LRBA: variants seen among roughly 807,000 people sequenced by gnomAD.
LRBA encodes the protein LPS responsive beige-like anchor protein.
LRBA carries 176 observed loss-of-function variants against 330.0 expected under a neutral mutation model. The ratio of observed to expected loss-of-function variants is 0.53; its 90% CI spans 0.47 to 0.60. LRBA has a LOEUF of 0.60. Ranked by LOEUF, LRBA falls within the 20% of genes least tolerant of loss-of-function variation. The probability of loss-of-function intolerance (pLI) is 0.00; values close to 1 mark genes in which losing one functional copy is unlikely to be tolerated. For synonymous variants in LRBA, 1,230 were observed against 1,193.0 expected, an observed-to-expected ratio of 1.03 and a Z score of -0.64; for missense variants, 3,259 against 3,444.8, an observed-to-expected ratio of 0.95 and a Z score of 1.35.
At chr4:150,520,725 A>G (rs1762837837) in intron 40 of LRBA, among the ~76,000 whole-genome samples, 2 of 152,214 alleles carry the variant, frequency 1.3e-5, no homozygotes, top group Admixed American at 1.3e-4. Context: ...TATTTGTGAC[A>G]GCCAACCATT....
At chr4:150,973,805 C>A (rs999021662) in intron 2 of LRBA, among the ~76,000 whole-genome samples, 1 of 152,074 alleles carries the variant, frequency 6.6e-6, no homozygotes. Flanking sequence ...CCAGCCTGGG[C>A]AAAATAGCGA....
intron 35 of LRBA, among the ~76,000 whole-genome samples, chr4:150,738,732 G>A (rs1254417541): frequency 6.6e-6 from 1 of 151,904 alleles, no homozygotes; most frequent in Non-Finnish European, 1.5e-5. Flanking sequence ...GTTTATGTAA[G>A]ATGTTAATTA....
Position 150,487,762 on chromosome 4 carries a change from A to G in LRBA, c.6521T>C (p.Val2174Ala). The G allele has an allele frequency of 6.3e-7, 1 of 1,599,612 alleles. No individual in the cohort carries two copies. The highest frequency in any genetic ancestry group is 8.5e-7 in the Non-Finnish European group (1 of 1,169,826). The change falls in exon 42 of 57, where the codon GTT (valine) becomes GCT (alanine). Residue 2174 changes from valine to alanine, a missense_variant. Val to Ala is a moderately conservative substitution (Grantham distance 64). Transcript: ENST00000651943. ...TTGAGGCAATCCAAAACTTGTTCCA[A>G]CGCCAACACGAGGTAGATAGTTAAC... ...KVVNYLPRVG[V>A]GTSFGLPQTR...
intron 55 of LRBA, among the ~76,000 whole-genome samples, chr4:150,281,869 G>C (rs548397428): frequency 1.3e-5 from 2 of 152,328 alleles, no homozygotes; most frequent in South Asian, 4.1e-4. Context: ...CAAGAGCCCA[G>C]AAGGTCCACT....
intron 40 of LRBA, among the ~76,000 whole-genome samples, chr4:150,510,771 C>G (rs1026428155): frequency 3.4e-4 from 52 of 152,118 alleles, no homozygotes; most frequent in Admixed American, 3.4e-3. Context: ...CAGTTTTAGA[C>G]CCCTATATCC....
At chr4:150,763,804 G>C (rs1038169443) in intron 34 of LRBA, among the ~76,000 whole-genome samples, 1 of 151,872 alleles carries the variant, frequency 6.6e-6, no homozygotes, top group South Asian at 2.1e-4. Context: ...ATGGACCTCA[G>C]CTAGGAAGAT....
intron 44 of LRBA, among the ~76,000 whole-genome samples, chr4:150,456,057 T>C (rs2152039275): frequency 6.6e-6 from 1 of 152,334 alleles, no homozygotes; most frequent in Non-Finnish European, 1.5e-5. Context: ...CATATTTTCT[T>C]TATTCATTCA....
chr4:150,537,450 T>C (rs1764782612), intron 40 of LRBA, among the ~76,000 whole-genome samples: 1 of 152,110 alleles, frequency 6.6e-6, no homozygotes, highest in Non-Finnish European at 1.5e-5. Context: ...CAAAAGCAAT[T>C]GCAACAGCAA....
At chr4:150,599,589 T>C (rs1292376146) in intron 37 of LRBA, among the ~76,000 whole-genome samples, 3 of 152,222 alleles carry the variant, frequency 2.0e-5, no homozygotes, top group Non-Finnish European at 4.4e-5. Flanking sequence ...TCTTCCTAAT[T>C]TGTGCCTTTT....
At chr4:150,874,139 G>A (rs1753747660) in intron 17 of LRBA, among the ~76,000 whole-genome samples, 1 of 152,118 alleles carries the variant, frequency 6.6e-6, no homozygotes, top group South Asian at 2.1e-4. Context: ...AGATTTGAGG[G>A]CTTTAGCATT....
chr4:150,423,906 G>A (rs1031676881), intron 46 of LRBA, among the ~76,000 whole-genome samples: 3 of 152,142 alleles, frequency 2.0e-5, no homozygotes, highest in African/African-American at 7.2e-5. Flanking sequence ...GAGAAAATAC[G>A]TTGTGAAAAC....
rs969340326 is a variant in LRBA, at chr4:150,798,339, A to C, written c.5519-197T>G. Among the ~76,000 whole-genome samples, 5 of 152,206 alleles carry C rather than the reference A, an allele frequency of 3.3e-5. No homozygotes were observed. In the South Asian group the frequency reaches 1.0e-3, roughly 31 times the overall value. ...TACCACCATTTTTGTAAAGTATTTC[A>C]TTTCAGCTTTCAAAATACTAAAACA... On this transcript the variant is annotated intron_variant, in intron 33 of 56. Coordinates refer to ENST00000651943, the MANE Select transcript of LRBA (RefSeq NM_001364905.1).
intron 44 of LRBA, among the ~76,000 whole-genome samples, chr4:150,465,465 C>T (rs567761268): frequency 2.6e-5 from 4 of 152,076 alleles, no homozygotes; most frequent in Non-Finnish European, 5.9e-5. Context: ...CACTATCATA[C>T]TTTCGCACCA....
chr4:150,366,843 C>G (rs1200088645), intron 47 of LRBA, among the ~76,000 whole-genome samples: 2 of 152,144 alleles, frequency 1.3e-5, no homozygotes, highest in Non-Finnish European at 2.9e-5. Flanking sequence ...AGGAAGCTTT[C>G]CCTTTCTCTT....
At position 150,871,365 on chromosome 4, in the gene LRBA, T is replaced by C. The variant is rs371913685; in HGVS notation, c.2347A>G (p.Thr783Ala). 2.5e-6 allele frequency: 4 copies of C among 1,607,562 alleles called. No homozygotes were observed. The highest frequency in any genetic ancestry group is 2.7e-5 in the African/African-American group (2 of 74,840). Residue 783 changes from threonine to alanine, a missense_variant, in exon 19 of 57, where the codon ACA becomes GCA. Thr to Ala is a moderately conservative substitution (Grantham distance 58). Coordinates refer to ENST00000651943, the MANE Select transcript of LRBA (RefSeq NM_001364905.1). The part of the protein sequence containing the change: ...MLQTNLITMT[T>A]YNVLFEILIE... ...CCTACCTCAAACAGCACATTATATGTGGTCATTGTGATTAAATTTGTCTGA... is the reference window on the plus strand; with the variant it reads ...CCTACCTCAAACAGCACATTATATGCGGTCATTGTGATTAAATTTGTCTGA...
At chr4:150,823,803 A>ATTGG (rs2126793247) in intron 30 of LRBA, among the ~76,000 whole-genome samples, 1 of 151,926 alleles carries the variant, frequency 6.6e-6, no homozygotes, top group Non-Finnish European at 1.5e-5. Flanking sequence ...ATTCTATTCC[A>ATTGG]TTGGTCTATG....
intron 2 of LRBA, among the ~76,000 whole-genome samples, chr4:150,985,534 T>C (rs919608668): frequency 6.6e-6 from 1 of 151,572 alleles, no homozygotes; most frequent in Non-Finnish European, 1.5e-5. Context: ...AGTCTCGCTC[T>C]ATTGCCCAGG....
At chr4:150,552,885 C>T (rs528024547) in intron 40 of LRBA, among the ~76,000 whole-genome samples, 12 of 151,528 alleles carry the variant, frequency 7.9e-5, no homozygotes, top group East Asian at 3.9e-4. Context: ...CTGGATAGCA[C>T]GGTGAAACCC....
intron 34 of LRBA, among the ~76,000 whole-genome samples, chr4:150,781,207 A>T (rs938600945): frequency 2.6e-5 from 4 of 152,168 alleles, no homozygotes; most frequent in African/African-American, 9.7e-5. Context: ...ACTACATTGT[A>T]CTATGTAGCA....
Sources: gnomAD v4.1 joint callset for allele counts (sites outside exome capture counted in the v4.1 genomes callset) on GRCh38, gnomAD v4.1.1 for gene constraint, MANE v1.5 for transcripts, NCBI Gene and HGNC (gene_info 2026-07-23, HGNC 2026-07-21) for gene names.